ARHGEF2: variants seen among roughly 807,000 people sequenced by gnomAD.
ARHGEF2 encodes rho guanine nucleotide exchange factor 2.
A neutral mutation model predicts 121.0 loss-of-function variants in ARHGEF2; 22 were observed. The ratio of observed to expected loss-of-function variants is 0.18; its 90% CI spans 0.13 to 0.26. ARHGEF2 has a LOEUF of 0.26. Ranked by LOEUF, ARHGEF2 falls within the 10% of genes least tolerant of loss-of-function variation. The pLI is 1.00. For missense variants in ARHGEF2, 907 were observed against 1,336.0 expected (o/e 0.68, Z 5.01); for synonymous variants, 487 against 530.0 (o/e 0.92, Z 1.11).
intron 1 of ARHGEF2, chr1:155,972,180 CCT>C (rs762874954): frequency 2.3e-5 from 10 of 442,538 alleles, no homozygotes; most frequent in Non-Finnish European, 3.8e-5. Context: ...AGTGGCCCTT[CCT>C]CTCTCTGGCA....
At chr1:155,979,460 G>A (rs560009338), upstream of ARHGEF2, among the ~76,000 whole-genome samples, 7 of 152,338 alleles carry the variant, frequency 4.6e-5, no homozygotes, top group East Asian at 1.3e-3. Flanking sequence ...CTTTGGGTGA[G>A]TTTCCTGCTA....
chr1:155,949,970 C>T (rs1269859082), intron 21 of ARHGEF2, among the ~76,000 whole-genome samples: 1 of 151,966 alleles, frequency 6.6e-6, no homozygotes, highest in African/African-American at 2.4e-5. Context: ...CTATGTTGCC[C>T]AGGCTGGCCT....
At position 155,962,590 on chromosome 1, in the gene ARHGEF2, C is replaced by T. The variant is rs375883807; in HGVS notation, c.1101+3G>A. ...AGCATGGGATCTGGAGAGGTCCGCT[C>T]ACCCGGATGAATTGCTGGAAGCGTT... On this transcript the variant is annotated splice_donor_region_variant and intron_variant, in intron 9 of 21. Coordinates refer to ENST00000361247, the MANE Select transcript of ARHGEF2 (RefSeq NM_001162383.2). This position sits in a 1 kb window ranked among gnomAD's most constrained non-coding sequence, Gnocchi z 5.8. 5.6e-6 allele frequency: 9 copies of T among 1,613,134 alleles called. No homozygotes were observed. In the African/African-American group the frequency reaches 9.4e-5, roughly 17 times the overall value.
Position 155,964,186 on chromosome 1 carries a change from A to G in ARHGEF2, c.724+802T>C, listed in dbSNP as rs1008656142. 5.5e-4 allele frequency among the ~76,000 whole-genome samples: 48 copies of G among 87,298 alleles called. No homozygotes were observed. The South Asian group carries it at 6.9e-3, about 13-fold the overall frequency. The allele number at this position is 87,298 out of a possible 152,430, so 57.3% of individuals were successfully genotyped here. ...AAAAAAAATATATATATATATATAT[A>G]TATATATATATACATATATATATAT... On this transcript the variant is annotated intron_variant, in intron 7 of 21. Coordinates refer to ENST00000361247, the MANE Select transcript of ARHGEF2 (RefSeq NM_001162383.2).
At chr1:155,966,333 C>T in intron 4 of ARHGEF2, 83 bp downstream of exon 4, 2 of 1,385,038 alleles carry the variant, frequency 1.4e-6, no homozygotes, top group Non-Finnish European at 2.1e-6. Context: ...TGGGAACAAC[C>T]TTAGTGGGGC....
chr1:155,976,613 A>C, intron 1 of ARHGEF2, among the ~76,000 whole-genome samples: 1 of 107,978 alleles, frequency 9.3e-6, no homozygotes, highest in South Asian at 4.0e-4. Context: ...CCCCCACAGA[A>C]CCGCTCTCTA....
rs1475475912 is a variant in ARHGEF2, at chr1:155,978,172, G to C, written c.63+193C>G. On this transcript the variant is annotated intron_variant, in intron 1 of 21. Transcript: ENST00000361247. The surrounding 1 kb of genome is among the most constrained non-coding windows in gnomAD (Gnocchi z 4.1). ...CCTCCCGGGATCCCAGCACCGTCGC[G>C]TCTGCCGCTCCCCCCACCCCTACCC... 2.4e-5 allele frequency: 31 copies of C among 1,296,884 alleles called. No homozygotes were observed. The African/African-American group carries it at 2.5e-4, about 10-fold the overall frequency. The allele number at this position is 1,296,884 out of a possible 1,614,324, so 80.3% of individuals were successfully genotyped here. A position where few individuals can be genotyped will look rare whatever the true frequency, so the allele number is the denominator to read the frequency against.
Position 155,951,557 on chromosome 1 carries a change from AG to A in ARHGEF2, c.2209-25del. ...TCCTGAGGACAGACAGGGTGGGAAC[AG>A]GGCCCCAGCTTTAGGATGGGAGAAC... On this transcript the variant is annotated intron_variant, in intron 18 of 21. Transcript: ENST00000361247. This position sits in a 1 kb window ranked among gnomAD's most constrained non-coding sequence, Gnocchi z 5.1. 1 of 1,614,140 alleles carries A rather than the reference AG, an allele frequency of 6.2e-7. No homozygotes were observed. The highest frequency in any genetic ancestry group is 8.5e-7 in the Non-Finnish European group (1 of 1,180,020).
intron 14 of ARHGEF2, 45 bp from the exon 15 acceptor site, chr1:155,952,873 T>A: frequency 6.3e-7 from 1 of 1,599,688 alleles, no homozygotes; most frequent in East Asian, 2.2e-5. Context: ...CGTAGGGGTA[T>A]GCAAGAGCGC....
upstream of ARHGEF2, chr1:155,978,636 G>A (rs1297227109): frequency 1.1e-5 from 14 of 1,226,446 alleles, no homozygotes; most frequent in African/African-American, 1.6e-5. This position sits in a 1 kb window ranked among gnomAD's most constrained non-coding sequence, Gnocchi z 4.1. Context: ...GCGGAGGGAG[G>A]GCGGGGTGCC....
At chr1:155,972,116 G>C (rs1275517680) in intron 1 of ARHGEF2, 1 of 374,930 alleles carries the variant, frequency 2.7e-6, no homozygotes, top group Non-Finnish European at 5.5e-6. Context: ...GACCAGCTCA[G>C]ATGGAGTGGC....
intron 14 of ARHGEF2, among the ~76,000 whole-genome samples, chr1:155,953,180 G>A (rs925150997): frequency 1.3e-5 from 2 of 149,966 alleles, no homozygotes; most frequent in African/African-American, 2.5e-5. Context: ...CACAAGAATC[G>A]CTTGAACCCA....
intron 14 of ARHGEF2, among the ~76,000 whole-genome samples, chr1:155,954,278 ACTT>A (rs1558003789): frequency 2.6e-5 from 3 of 113,590 alleles, no homozygotes; most frequent in Admixed American, 2.1e-4. Context: ...CAGCCAATCT[ACTT>A]CTTTTTTTTT....
chr1:155,948,625 T>C (rs1303079957), intron 21 of ARHGEF2, among the ~76,000 whole-genome samples: 2 of 150,466 alleles, frequency 1.3e-5, no homozygotes, highest in African/African-American at 4.9e-5. Flanking sequence ...AGCAAAACTG[T>C]CTCAAAAAAA....
chr1:155,962,532 C>T lies in ARHGEF2; in HGVS notation c.1101+61G>A, dbSNP rs1678179746. 1.3e-6 allele frequency: 2 copies of T among 1,599,070 alleles called. No individual in the cohort carries two copies. The highest frequency in any genetic ancestry group is 1.7e-6 in the Non-Finnish European group (2 of 1,173,100). On this transcript the variant is annotated intron_variant, in intron 9 of 21. Coordinates refer to ENST00000361247, the MANE Select transcript of ARHGEF2 (RefSeq NM_001162383.2). This position sits in a 1 kb window ranked among gnomAD's most constrained non-coding sequence, Gnocchi z 5.8. ...GTGGGTGCAGCTCACAGGCACTACC[C>T]CCATGAGTTGGGGAGGGTGGGTTTG... is the stretch of plus-strand genomic sequence containing the variant.
intron 1 of ARHGEF2, chr1:155,970,130 G>C (rs1572180030): frequency 2.0e-6 from 2 of 985,378 alleles, no homozygotes; most frequent in East Asian, 1.1e-4. Context: ...AAACCTAGGA[G>C]AGTTTCCTCT....
chr1:155,970,753 T>A, intron 1 of ARHGEF2: 3 of 985,544 alleles, frequency 3.0e-6, no homozygotes, highest in Non-Finnish European at 3.6e-6. Context: ...AAAGGGGAAG[T>A]GTGGAGGGGC....
In ARHGEF2 at chr1:155,962,748, G is replaced by A. The variant is rs752508836; in HGVS notation, c.976-30C>T. On this transcript the variant is annotated intron_variant, in intron 8 of 21. Coordinates refer to ENST00000361247, the MANE Select transcript of ARHGEF2 (RefSeq NM_001162383.2). The surrounding 1 kb of genome is among the most constrained non-coding windows in gnomAD (Gnocchi z 5.8). The stretch of plus-strand genomic sequence containing the variant: ...AAGTTGGTCGAGTAAGGTTAGGTCA[G>A]CATTCCCCCAAAGCCACACTTTACC... 7 of 1,613,518 alleles carry A rather than the reference G, an allele frequency of 4.3e-6. No individual in the cohort carries two copies. The South Asian group carries it at 6.6e-5, about 15-fold the overall frequency.
At chr1:155,949,792 G>C (rs1164782684) in intron 21 of ARHGEF2, among the ~76,000 whole-genome samples, 1 of 151,690 alleles carries the variant, frequency 6.6e-6, no homozygotes, top group Non-Finnish European at 1.5e-5. Flanking sequence ...CAGGAGAATC[G>C]CTTGAACCTG....
Sources: allele counts gnomAD v4.1 joint callset (sites outside exome capture counted in the v4.1 genomes callset), GRCh38; gene constraint gnomAD v4.1.1; non-coding constraint Gnocchi (gnomAD v3.1); transcripts MANE v1.5; gene names NCBI Gene and HGNC (gene_info 2026-07-23, HGNC 2026-07-21).